Variants in TMEM163 observed in about 807,000 individuals in gnomAD.
The protein encoded by TMEM163 is transmembrane protein 163.
TMEM163 carries 17 observed loss-of-function variants against 29.3 expected under a neutral mutation model. That is an observed-to-expected ratio of 0.58 (90% confidence interval 0.40 to 0.87). The LOEUF (loss-of-function observed/expected upper bound fraction) is 0.87, where lower values mean the gene tolerates loss of function less well. Among genes scored for constraint, TMEM163 ranks in the 40% least tolerant of loss-of-function variants. TMEM163 has a pLI of 0.00. For missense variants in TMEM163, 303 were observed against 381.5 expected (o/e 0.79, Z 1.71); for synonymous variants, 157 against 160.6 (o/e 0.98, Z 0.17).
At chr2:134,670,669 G>A (rs1683975689) in intron 2 of TMEM163, among the ~76,000 whole-genome samples, 1 of 152,184 alleles carries the variant, frequency 6.6e-6, no homozygotes, top group Non-Finnish European at 1.5e-5. Flanking sequence ...GTGCATTAAT[G>A]AGCTCAGGCA....
chr2:134,668,813 T>C (rs529780034), intron 2 of TMEM163, among the ~76,000 whole-genome samples: 2 of 151,798 alleles, frequency 1.3e-5, no homozygotes, highest in African/African-American at 4.8e-5. Flanking sequence ...TAAGCATACA[T>C]GTATATATAT....
At chr2:134,703,472 A>T (rs986450290) in intron 2 of TMEM163, among the ~76,000 whole-genome samples, 8 of 152,228 alleles carry the variant, frequency 5.3e-5, no homozygotes, top group Non-Finnish European at 8.8e-5. Flanking sequence ...CAGAAAAAAA[A>T]TTGTACAAGA....
intron 2 of TMEM163, among the ~76,000 whole-genome samples, chr2:134,655,559 T>A (rs1457308438): frequency 2.1e-5 from 3 of 141,568 alleles, no homozygotes; most frequent in Non-Finnish European, 4.5e-5. Context: ...GTCAAAGTCA[T>A]TCTCCATCCA....
intron 4 of TMEM163, among the ~76,000 whole-genome samples, chr2:134,546,366 G>A (rs1384009148): frequency 2.0e-5 from 3 of 152,304 alleles, no homozygotes; most frequent in Admixed American, 6.5e-5. Context: ...CTTTAGGCAG[G>A]GCATGGTGCC....
chr2:134,621,613 G>A (rs1006316541), intron 2 of TMEM163, among the ~76,000 whole-genome samples: 6 of 152,094 alleles, frequency 3.9e-5, no homozygotes, highest in African/African-American at 1.4e-4. Context: ...AATGTGGGCC[G>A]GGCGTGGTGG....
intron 2 of TMEM163, among the ~76,000 whole-genome samples, chr2:134,660,854 A>T (rs1683731565): frequency 6.7e-6 from 1 of 149,098 alleles, no homozygotes; most frequent in Admixed American, 6.7e-5. Context: ...GTATTTCCTG[A>T]TAGTTCAGAA....
At chr2:134,495,381 G>A (rs1320344819) in intron 5 of TMEM163, among the ~76,000 whole-genome samples, 1 of 152,210 alleles carries the variant, frequency 6.6e-6, no homozygotes, top group Non-Finnish European at 1.5e-5. Context: ...CTGTACTGTA[G>A]ACAAGGGTGT....
chr2:134,684,944 A>G, intron 2 of TMEM163, among the ~76,000 whole-genome samples: 1 of 151,714 alleles, frequency 6.6e-6, no homozygotes, highest in East Asian at 1.9e-4. Flanking sequence ...AAAAAAAGAA[A>G]AAGCAGAATG....
chr2:134,512,582 C>G (rs1014299301), intron 4 of TMEM163, among the ~76,000 whole-genome samples: 1 of 152,190 alleles, frequency 6.6e-6, no homozygotes, highest in Non-Finnish European at 1.5e-5. Context: ...TCCAAAGGCA[C>G]GCCAGAATTC....
At chr2:134,469,704 T>G (rs1246816760) in intron 5 of TMEM163, 2 of 152,376 alleles carry the variant, frequency 1.3e-5, no homozygotes, top group African/African-American at 2.4e-5. Context: ...TCTCCGCTCC[T>G]GCTGCATCTC....
chr2:134,519,752 G>A (rs551101671), intron 4 of TMEM163, among the ~76,000 whole-genome samples: 5 of 151,376 alleles, frequency 3.3e-5, no homozygotes, highest in African/African-American at 4.9e-5. Flanking sequence ...TCCACCAGGC[G>A]TGGTGGTATA....
chr2:134,567,177 C>T (rs893591024), intron 2 of TMEM163, among the ~76,000 whole-genome samples: 2 of 152,116 alleles, frequency 1.3e-5, no homozygotes, highest in African/African-American at 2.4e-5. Context: ...GATAGGGGTT[C>T]ATGCTCCACA....
chr2:134,535,421 A>G (rs985265025), intron 4 of TMEM163, among the ~76,000 whole-genome samples: 2 of 152,210 alleles, frequency 1.3e-5, no homozygotes, highest in African/African-American at 4.8e-5. Flanking sequence ...CTATGGAAAG[A>G]GGATTTTTAT....
chr2:134,509,311 G>C (rs1574191047), intron 4 of TMEM163, among the ~76,000 whole-genome samples: 1 of 152,198 alleles, frequency 6.6e-6, no homozygotes, highest in South Asian at 2.1e-4. Flanking sequence ...AGTTCTAAAG[G>C]TTGGGCTGAA....
chr2:134,644,724 C>T (rs55746916), intron 2 of TMEM163, among the ~76,000 whole-genome samples: 3,818 of 152,024 alleles, frequency 0.025, 73 homozygotes, highest in Non-Finnish European at 0.04. Flanking sequence ...AGTTTTTAGA[C>T]ACGACACCAA....
chr2:134,580,417 G>A (rs1053988513), intron 2 of TMEM163, among the ~76,000 whole-genome samples: 2 of 152,122 alleles, frequency 1.3e-5, no homozygotes, highest in African/African-American at 4.8e-5. Flanking sequence ...CATACTATGT[G>A]GTGCTATAAA....
At chr2:134,590,418 T>C (rs1574262299) in intron 2 of TMEM163, among the ~76,000 whole-genome samples, 1 of 152,128 alleles carries the variant, frequency 6.6e-6, no homozygotes, top group South Asian at 2.1e-4. Flanking sequence ...GCTGCCCCAG[T>C]CATGTTACTG....
chr2:134,676,134 C>A (rs1684108700), intron 2 of TMEM163, among the ~76,000 whole-genome samples: 2 of 152,154 alleles, frequency 1.3e-5, no homozygotes, highest in African/African-American at 4.8e-5. Flanking sequence ...GGAAAAAAGG[C>A]CCCGACTTGC....
rs144441891 is a variant in TMEM163 at position 134,586,508 on chromosome 2, G to A, written c.323-34417C>T. 3.1e-3 allele frequency among the ~76,000 whole-genome samples: 478 copies of A among 152,260 alleles called. 3 individuals are homozygous for A. Among genetic ancestry groups the A allele is most frequent in the South Asian group, 0.015 (74 of 4,814 alleles). On this transcript the variant is annotated intron_variant, in intron 2 of 7. Transcript: ENST00000281924. ...CCACATTTCCCCTTTTCATAAGGAC[G>A]CTAGTCATGTTGCATTAGGTCCCAC... is the stretch of plus-strand genomic sequence containing the variant.
Sources: allele counts gnomAD v4.1 joint callset (sites outside exome capture counted in the v4.1 genomes callset), GRCh38; gene constraint gnomAD v4.1.1; transcripts MANE v1.5; gene names NCBI Gene and HGNC (gene_info 2026-07-23, HGNC 2026-07-21).